Variants in FOXN2 observed in about 807,000 individuals in gnomAD.
FOXN2 encodes the protein forkhead box protein N2.
A neutral mutation model predicts 41.2 loss-of-function variants in FOXN2; 19 were observed. The observed-to-expected ratio is 0.46, with a 90% confidence interval of 0.32 to 0.68. The LOEUF is 0.68. Ranked by LOEUF, FOXN2 falls within the 30% of genes least tolerant of loss-of-function variation. FOXN2 has a pLI of 0.03. For missense variants in FOXN2, 587 were observed against 509.4 expected (o/e 1.15, Z -1.47); for synonymous variants, 195 against 176.8 (o/e 1.10, Z -0.82).
intron 3 of FOXN2, among the ~76,000 whole-genome samples, chr2:48,356,266 C>A (rs181953629): frequency 3.3e-5 from 5 of 152,254 alleles, no homozygotes; most frequent in African/African-American, 9.6e-5. Context: ...CATGGTGGAA[C>A]CCTGTCTCTA....
intron 4 of FOXN2, among the ~76,000 whole-genome samples, chr2:48,361,497 A>T (rs952580735): frequency 1.3e-5 from 2 of 152,066 alleles, no homozygotes; most frequent in African/African-American, 4.8e-5. Flanking sequence ...AAACTACAAC[A>T]TAAGGGTTAT....
At chr2:48,369,823 A>G (rs72820437) in intron 5 of FOXN2, among the ~76,000 whole-genome samples, 17,285 of 151,874 alleles carry the variant, frequency 0.11, 1,403 homozygotes, top group East Asian at 0.45. Flanking sequence ...CGGTAAAACC[A>G]TATCTCTACA....
intron 5 of FOXN2, among the ~76,000 whole-genome samples, chr2:48,370,035 G>A (rs2104518970): frequency 6.6e-6 from 1 of 152,018 alleles, no homozygotes; most frequent in South Asian, 2.1e-4. Context: ...AGAAAAATTA[G>A]TTTATGGAGA....
intron 3 of FOXN2, among the ~76,000 whole-genome samples, chr2:48,347,219 G>C (rs1239317160): frequency 9.3e-6 from 1 of 107,338 alleles, no homozygotes; most frequent in African/African-American, 3.4e-5. Flanking sequence ...GTGTTTTGGT[G>C]CTTTTTTTTT....
intron 3 of FOXN2, among the ~76,000 whole-genome samples, chr2:48,354,428 C>T (rs553833567): frequency 2.6e-4 from 40 of 152,124 alleles, no homozygotes; most frequent in Non-Finnish European, 4.9e-4. Context: ...AGTGAAACCC[C>T]ATCTCTACTA....
chr2:48,326,878 A>G (rs1025332795), intron 1 of FOXN2, among the ~76,000 whole-genome samples: 1 of 152,176 alleles, frequency 6.6e-6, no homozygotes, highest in African/African-American at 2.4e-5. Context: ...TATACAAGTA[A>G]ATATTCCAAA....
In FOXN2 at chr2:48,379,000, A is replaced by G. The variant is rs1673416489; in HGVS notation, c.*3557A>G. The G allele has an allele frequency of 1.3e-5, 2 of 152,744 alleles. No homozygotes were observed. The highest frequency in any genetic ancestry group is 3.9e-4 in the East Asian group (2 of 5,188). The allele number at this position is 152,744 out of a possible 1,614,324, so 9.5% of individuals were successfully genotyped here. ...TGTAACTATTATTTATTTTTAAATG[A>G]AAGTGTAAGAATGCTTTCTGATTCA... On this transcript the variant is annotated 3_prime_UTR_variant, in exon 7 of 7. Coordinates refer to ENST00000340553, the MANE Select transcript of FOXN2 (RefSeq NM_002158.4).
rs1672094355 is a variant in FOXN2 at position 48,360,402 on chromosome 2, G to A, written c.638+1255G>A. Among the ~76,000 whole-genome samples the A allele has an allele frequency of 2.0e-5, 3 of 152,256 alleles. No homozygotes were observed. In the South Asian group the frequency reaches 6.2e-4, roughly 32 times the overall value. Reference sequence around the variant, plus strand: ...GAGAGAAAGTTATAATGAACTCCCAGCTGCAGCAATCATCAACGTTTCATA... The same window carrying A: ...GAGAGAAAGTTATAATGAACTCCCAACTGCAGCAATCATCAACGTTTCATA... On this transcript the variant is annotated intron_variant, in intron 4 of 6. Coordinates refer to ENST00000340553, the MANE Select transcript of FOXN2 (RefSeq NM_002158.4).
intron 1 of FOXN2, among the ~76,000 whole-genome samples, chr2:48,319,180 G>A (rs1009152112): frequency 6.7e-6 from 1 of 149,778 alleles, no homozygotes; most frequent in African/African-American, 2.5e-5. Flanking sequence ...GAAGTGCTTT[G>A]AAAGGTGTGT....
chr2:48,336,036 A>T (rs147863223), intron 2 of FOXN2, among the ~76,000 whole-genome samples: 36,660 of 150,322 alleles, frequency 0.24, 4,939 homozygotes, highest in East Asian at 0.52. Flanking sequence ...TCAAAAAAAA[A>T]AAAAATAATA....
At position 48,324,194 on chromosome 2, in the gene FOXN2, A is replaced by ATTTTTT. The variant is rs11407371; in HGVS notation, c.-156-4354_-156-4349dup. Among the ~76,000 whole-genome samples the ATTTTTT allele has an allele frequency of 1.7e-3, 229 of 132,338 alleles. 3 individuals are homozygous for ATTTTTT. Among genetic ancestry groups the ATTTTTT allele is most frequent in the Middle Eastern group, 4.0e-3 (1 of 250 alleles). The allele number at this position is 132,338 out of a possible 152,430, so 86.8% of individuals were successfully genotyped here. A position where few individuals can be genotyped will look rare whatever the true frequency, so the allele number is the denominator to read the frequency against. On this transcript the variant is annotated intron_variant, in intron 1 of 6. Transcript: ENST00000340553. ...TACGTGAATGACAAATTGCTCAGTAATTTTTTTTTTTTTTTTTTGTGACAG... is the reference window on the plus strand; with the variant it reads ...TACGTGAATGACAAATTGCTCAGTAATTTTTTTTTTTTTTTTTTTTTTTTGTGACAG...
intron 5 of FOXN2, among the ~76,000 whole-genome samples, chr2:48,364,633 T>C (rs1672412297): frequency 6.6e-6 from 1 of 152,278 alleles, no homozygotes; most frequent in Non-Finnish European, 1.5e-5. Flanking sequence ...TTATTACCTT[T>C]TCAGGTCTAT....
intron 3 of FOXN2, among the ~76,000 whole-genome samples, chr2:48,349,135 A>G (rs1038400068): frequency 2.6e-5 from 4 of 152,202 alleles, no homozygotes; most frequent in Admixed American, 2.0e-4. Context: ...TCACCACTGC[A>G]TTCCAGCCTG....
rs148661781 is a variant in FOXN2, at chr2:48,343,180, C to T, written c.-14-3021C>T. Among the ~76,000 whole-genome samples the T allele has an allele frequency of 2.1e-4, 32 of 152,258 alleles. No individual in the cohort carries two copies. In the East Asian group the frequency reaches 5.6e-3, roughly 27 times the overall value. ...CTTAGCCTCGTTTATAATTTTGGCT[C>T]CACTTTTTATTAGCTTTAGAACCTT... On this transcript the variant is annotated intron_variant, in intron 2 of 6. Transcript: ENST00000340553.
chr2:48,377,772 A>C lies in FOXN2; in HGVS notation c.*2329A>C, dbSNP rs1277184167. ...TTAATGCATCACCTTCCACTTGCTA[A>C]CATACCAAGTCAGTTATTTTCAAGG... On this transcript the variant is annotated 3_prime_UTR_variant, in exon 7 of 7. Coordinates refer to ENST00000340553, the MANE Select transcript of FOXN2 (RefSeq NM_002158.4). 6.6e-6 allele frequency: 1 copy of C among 152,088 alleles called. No homozygotes were observed. Among genetic ancestry groups the C allele is most frequent in the Non-Finnish European group, 1.5e-5 (1 of 67,912 alleles). 9.4% of individuals were successfully genotyped at this position (152,088 alleles called of 1,614,324 possible).
chr2:48,359,492 C>T (rs1672034303), intron 4 of FOXN2, among the ~76,000 whole-genome samples: 1 of 151,982 alleles, frequency 6.6e-6, no homozygotes, highest in African/African-American at 2.4e-5. Flanking sequence ...CACGGTTTCA[C>T]CATGTTGGCC....
At chr2:48,332,039 T>A (rs546167818) in intron 2 of FOXN2, among the ~76,000 whole-genome samples, 101 of 152,300 alleles carry the variant, frequency 6.6e-4, no homozygotes, top group African/African-American at 2.4e-3. Context: ...TTTGAGTATT[T>A]TAACTTAAGA....
At chr2:48,363,613 G>T (rs1672343092) in intron 5 of FOXN2, among the ~76,000 whole-genome samples, 1 of 152,138 alleles carries the variant, frequency 6.6e-6, no homozygotes, top group South Asian at 2.1e-4. Context: ...CTATACAGGT[G>T]TACCATTTTA....
At chr2:48,374,694 ATAG>A (rs1295753708) in intron 6 of FOXN2, among the ~76,000 whole-genome samples, 13 of 152,220 alleles carry the variant, frequency 8.5e-5, no homozygotes, top group Non-Finnish European at 1.6e-4. Context: ...GCAATTCAAA[ATAG>A]TTACATATGC....
Sources: gnomAD v4.1 joint callset for allele counts (sites outside exome capture counted in the v4.1 genomes callset) on GRCh38, gnomAD v4.1.1 for gene constraint, MANE v1.5 for transcripts, NCBI Gene and HGNC (gene_info 2026-07-23, HGNC 2026-07-21) for gene names.